The following CHCHD3 variants were observed in gnomAD, a reference collection of about 807,000 sequenced individuals.
CHCHD3 encodes MICOS complex subunit MIC19.
Under a neutral mutation model 38.2 loss-of-function variants are expected in CHCHD3, and 20 were observed. The ratio of observed to expected loss-of-function variants is 0.52; its 90% CI spans 0.37 to 0.76. The LOEUF is 0.76. CHCHD3 is among the 30% of genes least tolerant of loss of function. The pLI, the probability that CHCHD3 is intolerant of heterozygous loss-of-function variation, is 0.00. For missense variants in CHCHD3, 245 were observed against 279.2 expected, an observed-to-expected ratio of 0.88 and a Z score of 0.87; for synonymous variants, 82 against 100.0, an observed-to-expected ratio of 0.82 and a Z score of 1.07.
chr7:133,002,281 A>C lies in CHCHD3; in HGVS notation c.251+22265T>G, dbSNP rs552392315. Among the ~76,000 whole-genome samples the C allele has an allele frequency of 2.0e-5, 3 of 152,356 alleles. No individual in the cohort carries two copies. The East Asian group carries it at 5.8e-4, about 29-fold the overall frequency. ...TAATCTTCATTTGAAAAACATGCTT[A>C]TCTGGTAGATATTCTTATTAACTTG... On this transcript the variant is annotated intron_variant, in intron 3 of 7. Coordinates refer to ENST00000262570, the MANE Select transcript of CHCHD3 (RefSeq NM_017812.4).
chr7:132,850,390 C>A (rs760329597), intron 5 of CHCHD3, among the ~76,000 whole-genome samples: 63 of 149,656 alleles, frequency 4.2e-4, no homozygotes, highest in Non-Finnish European at 1.9e-4. Flanking sequence ...TCTGGCATTT[C>A]TAGTTTTATT....
intron 5 of CHCHD3, among the ~76,000 whole-genome samples, chr7:132,841,542 T>G (rs1807940491): frequency 6.6e-6 from 1 of 152,060 alleles, no homozygotes; most frequent in African/African-American, 2.4e-5. Flanking sequence ...AGGAATGAAT[T>G]AGACAAACAT....
chr7:132,906,590 G>A (rs1043544569), intron 4 of CHCHD3, among the ~76,000 whole-genome samples: 6 of 152,090 alleles, frequency 3.9e-5, no homozygotes, highest in Admixed American at 1.3e-4. Flanking sequence ...TGGTTTTAGC[G>A]CTGAAGGAAT....
Position 133,016,348 on chromosome 7 carries a change from C to T in CHCHD3, c.251+8198G>A, listed in dbSNP as rs76994614. 9.2e-3 allele frequency among the ~76,000 whole-genome samples: 1,405 copies of T among 152,260 alleles called. 22 individuals are homozygous for T. Among genetic ancestry groups the T allele is most frequent in the African/African-American group, 0.032 (1,324 of 41,534 alleles). On this transcript the variant is annotated intron_variant, in intron 3 of 7. Transcript: ENST00000262570. ...TGTAGTTGGGCATATGGATCCTATG[C>T]TCTGAAATCGTTTTCACAGATTATA...
chr7:133,008,597 C>T (rs1812770643), intron 3 of CHCHD3, among the ~76,000 whole-genome samples: 1 of 152,032 alleles, frequency 6.6e-6, no homozygotes, highest in Non-Finnish European at 1.5e-5. Flanking sequence ...ACATATATAA[C>T]ATTAGCCATA....
chr7:133,057,244 T>C (rs1434381623), intron 2 of CHCHD3, among the ~76,000 whole-genome samples: 2 of 152,108 alleles, frequency 1.3e-5, no homozygotes, highest in Non-Finnish European at 2.9e-5. Flanking sequence ...TAGTTCTCAA[T>C]CAAAATATAA....
intron 4 of CHCHD3, among the ~76,000 whole-genome samples, chr7:132,907,585 T>G (rs1809828197): frequency 6.6e-6 from 1 of 151,758 alleles, no homozygotes; most frequent in African/African-American, 2.4e-5. Context: ...GGAATTACAG[T>G]AAGAGGGCCA....
intron 4 of CHCHD3, among the ~76,000 whole-genome samples, chr7:132,886,025 C>G (rs996739700): frequency 6.6e-6 from 1 of 152,102 alleles, no homozygotes; most frequent in Admixed American, 6.6e-5. Context: ...TCTTATTTAA[C>G]TTCCCTATCA....
chr7:132,957,039 A>T (rs2117298645), intron 4 of CHCHD3, among the ~76,000 whole-genome samples: 1 of 152,278 alleles, frequency 6.6e-6, no homozygotes, highest in East Asian at 1.9e-4. Flanking sequence ...AGCCAGCCCA[A>T]ATGTGCAGAA....
At chr7:132,948,711 T>C (rs1228826294) in intron 4 of CHCHD3, among the ~76,000 whole-genome samples, 1 of 152,104 alleles carries the variant, frequency 6.6e-6, no homozygotes, top group Non-Finnish European at 1.5e-5. Context: ...ACACTGACAA[T>C]TGACTTTTTC....
At chr7:132,810,302 T>C (rs530447607) in intron 6 of CHCHD3, among the ~76,000 whole-genome samples, 11 of 152,228 alleles carry the variant, frequency 7.2e-5, no homozygotes, top group Non-Finnish European at 7.3e-5. Context: ...TACGGGTGTA[T>C]AAGCACACTG....
chr7:132,841,585 C>T (rs746800070), intron 5 of CHCHD3, among the ~76,000 whole-genome samples: 5 of 152,046 alleles, frequency 3.3e-5, no homozygotes, highest in Admixed American at 6.6e-5. Flanking sequence ...CTGATCAGTA[C>T]GATGTACCTT....
intron 5 of CHCHD3, among the ~76,000 whole-genome samples, chr7:132,871,900 T>C (rs1184532618): frequency 2.0e-5 from 3 of 152,160 alleles, no homozygotes; most frequent in African/African-American, 4.8e-5. Flanking sequence ...ATGGATGTAT[T>C]TGTCAATTAT....
chr7:132,858,131 C>T (rs1808390388), intron 5 of CHCHD3, among the ~76,000 whole-genome samples: 3 of 152,212 alleles, frequency 2.0e-5, no homozygotes, highest in Admixed American at 2.0e-4. Context: ...GGTACGATCT[C>T]AGCTCACTGC....
At chr7:132,790,413 T>C (rs192479087) in intron 7 of CHCHD3, among the ~76,000 whole-genome samples, 215 of 152,282 alleles carry the variant, frequency 1.4e-3, no homozygotes, top group African/African-American at 4.9e-3. Context: ...AGAGAAAATG[T>C]CACGAAGCAA....
At chr7:132,814,488 G>A (rs1289824132) in intron 6 of CHCHD3, among the ~76,000 whole-genome samples, 2 of 152,192 alleles carry the variant, frequency 1.3e-5, no homozygotes, top group Non-Finnish European at 2.9e-5. Flanking sequence ...GCCTGTAATG[G>A]CCTTGTAGCC....
intron 5 of CHCHD3, among the ~76,000 whole-genome samples, chr7:132,880,018 T>C (rs990481935): frequency 4.6e-5 from 7 of 152,200 alleles, no homozygotes; most frequent in African/African-American, 9.6e-5. Flanking sequence ...AAATTATGCA[T>C]TTTTGAATGC....
At chr7:133,016,224 T>C (rs1159740055) in intron 3 of CHCHD3, among the ~76,000 whole-genome samples, 1 of 152,164 alleles carries the variant, frequency 6.6e-6, no homozygotes, top group East Asian at 1.9e-4. Flanking sequence ...GTAGGGGTGT[T>C]ATATAGTTGA....
chr7:132,878,042 C>T (rs1425749993), intron 5 of CHCHD3, among the ~76,000 whole-genome samples: 1 of 151,832 alleles, frequency 6.6e-6, no homozygotes, highest in African/African-American at 2.4e-5. Flanking sequence ...TCCCATAAAC[C>T]AAGTTTAAGT....
Sources: allele counts gnomAD v4.1 joint callset (sites outside exome capture counted in the v4.1 genomes callset), GRCh38; gene constraint gnomAD v4.1.1; transcripts MANE v1.5; gene names NCBI Gene and HGNC (gene_info 2026-07-23, HGNC 2026-07-21).